AGAP1: variants seen among roughly 807,000 people sequenced by gnomAD.
The protein encoded by AGAP1 is ArfGAP with GTPase domain, ankyrin repeat and PH domain 1.
AGAP1 carries 29 observed loss-of-function variants against 105.3 expected under a neutral mutation model. That is an observed-to-expected ratio of 0.28 (90% CI 0.21 to 0.38). The LOEUF (loss-of-function observed/expected upper bound fraction) is 0.38. Ranked by LOEUF, AGAP1 falls within the 10% of genes least tolerant of loss-of-function variation. The pLI, the probability that AGAP1 is intolerant of heterozygous loss-of-function variation, is 1.00. For synonymous variants in AGAP1, 509 were observed against 485.9 expected (o/e 1.05, Z -0.63); for missense variants, 998 against 1,165.1 (o/e 0.86, Z 2.09).
intron 13 of AGAP1, among the ~76,000 whole-genome samples, chr2:235,997,493 TATTTTTGTAGCGCGGCCATAC>T (rs1488395553): frequency 3.9e-5 from 6 of 152,226 alleles, no homozygotes; most frequent in Admixed American, 1.3e-4. Flanking sequence ...TAGTGTTTGG[TATTTTTGTAGCGCGGCCATAC>T]ATTTTTGTGA....
chr2:236,095,083 T>G lies in AGAP1; in HGVS notation c.2115-25109T>G, dbSNP rs1266843294. On this transcript the variant is annotated intron_variant, in intron 16 of 17. Coordinates refer to ENST00000304032, the MANE Select transcript of AGAP1 (RefSeq NM_001037131.3). This position sits in a 1 kb window ranked among gnomAD's most constrained non-coding sequence, Gnocchi z 4.1. ...CATTGTACTTTAGCCTTGGTGAGAG[T>G]GAGACACTGTCTCAAAAAAGTTGTG... Among the ~76,000 whole-genome samples, 1 of 143,120 alleles carries G rather than the reference T, an allele frequency of 7.0e-6. No individual in the cohort carries two copies. The highest frequency in any genetic ancestry group is 1.5e-5 in the Non-Finnish European group (1 of 66,014). The allele number at this position is 143,120 out of a possible 152,430, so 93.9% of individuals were successfully genotyped here. A position where few individuals can be genotyped will look rare whatever the true frequency, so the allele number is the denominator to read the frequency against.
At chr2:236,048,970 G>T in intron 15 of AGAP1, 89 bp from the exon 16 acceptor site, 1 of 1,267,356 alleles carries the variant, frequency 7.9e-7, no homozygotes, top group South Asian at 1.4e-5. Context: ...TGTGAAGTTT[G>T]ACTGATTCGT....
chr2:235,598,549 G>T (rs1945620687), intron 1 of AGAP1, among the ~76,000 whole-genome samples: 1 of 152,230 alleles, frequency 6.6e-6, no homozygotes, highest in Admixed American at 6.5e-5. Context: ...GTGATGTGAA[G>T]TGAGGACTTA....
rs114177631 is a variant in AGAP1 at position 235,973,803 on chromosome 2, T to A, written c.1645+5180T>A. Among the ~76,000 whole-genome samples, 692 of 152,234 alleles carry A rather than the reference T, an allele frequency of 4.5e-3. 2 individuals are homozygous for A. The highest frequency in any genetic ancestry group is 7.7e-3 in the Non-Finnish European group (527 of 68,008). The stretch of plus-strand genomic sequence containing the variant: ...GACCCTGCATGGGGTCGGCATGGGT[T>A]GGACCAGGGCAGAGGAACCTGGGCT... On this transcript the variant is annotated intron_variant, in intron 13 of 17. Coordinates refer to ENST00000304032, the MANE Select transcript of AGAP1 (RefSeq NM_001037131.3). The surrounding 1 kb of genome is among the most constrained non-coding windows in gnomAD (Gnocchi z 4.7).
rs2053747817 is a variant in AGAP1, at chr2:235,951,729, C to T, written c.1484-16733C>T. Among the ~76,000 whole-genome samples the T allele has an allele frequency of 6.6e-6, 1 of 152,164 alleles. No homozygotes were observed. On this transcript the variant is annotated intron_variant, in intron 12 of 17. Coordinates refer to ENST00000304032, the MANE Select transcript of AGAP1 (RefSeq NM_001037131.3). The surrounding 1 kb of genome is among the most constrained non-coding windows in gnomAD (Gnocchi z 4.2). ...TCTGTTGGTACAAAATAAACATTTCCTCCTATCCTGGATGACTGGAGCCTT... is the reference window on the plus strand; with the variant it reads ...TCTGTTGGTACAAAATAAACATTTCTTCCTATCCTGGATGACTGGAGCCTT...
intron 11 of AGAP1, among the ~76,000 whole-genome samples, chr2:235,915,204 A>G (rs2317015): frequency 0.78 from 117,977 of 152,150 alleles, 45,857 homozygotes; most frequent in East Asian, 0.98. Context: ...GCTCTTATTC[A>G]TAGATAATGG....
chr2:235,523,028 C>T (rs1033204428), intron 1 of AGAP1, among the ~76,000 whole-genome samples: 4 of 152,056 alleles, frequency 2.6e-5, no homozygotes, highest in Admixed American at 1.3e-4. Flanking sequence ...GCAGTTCTGG[C>T]GGTTGGGAGT....
In AGAP1 at chr2:235,600,251, C is replaced by A. The variant is rs1465671187; in HGVS notation, c.163+105402C>A. Among the ~76,000 whole-genome samples the A allele has an allele frequency of 6.6e-6, 1 of 152,146 alleles. No individual in the cohort carries two copies. The highest frequency in any genetic ancestry group is 1.5e-5 in the Non-Finnish European group (1 of 68,028). On this transcript the variant is annotated intron_variant, in intron 1 of 17. Coordinates refer to ENST00000304032, the MANE Select transcript of AGAP1 (RefSeq NM_001037131.3). This position sits in a 1 kb window ranked among gnomAD's most constrained non-coding sequence, Gnocchi z 4.8. ...CGGATGATTTATGGCCTCTGTTTACCCCACAGACGATCAGTGTGCCTGCTT... is the reference window on the plus strand; with the variant it reads ...CGGATGATTTATGGCCTCTGTTTACACCACAGACGATCAGTGTGCCTGCTT...
chr2:235,618,933 C>A (rs1048772498), intron 1 of AGAP1, among the ~76,000 whole-genome samples: 2 of 152,016 alleles, frequency 1.3e-5, no homozygotes, highest in African/African-American at 4.8e-5. Context: ...TCACAGGGGT[C>A]TCTATAAAAG....
chr2:235,610,952 A>G lies in AGAP1; in HGVS notation c.164-98227A>G, dbSNP rs991896224. Among the ~76,000 whole-genome samples, 3 of 151,992 alleles carry G rather than the reference A, an allele frequency of 2.0e-5. No homozygotes were observed. The highest frequency in any genetic ancestry group is 7.3e-5 in the African/African-American group (3 of 41,336). The stretch of plus-strand genomic sequence containing the variant: ...CCCCTCTGAAGAGCGGCCCAGTAGG[A>G]TGGTTGACTGACGTTAGCTTGGCTT... On this transcript the variant is annotated intron_variant, in intron 1 of 17. Transcript: ENST00000304032. The surrounding 1 kb of genome is among the most constrained non-coding windows in gnomAD (Gnocchi z 4.9).
intron 9 of AGAP1, among the ~76,000 whole-genome samples, chr2:235,828,322 C>T (rs1394289554): frequency 6.6e-6 from 1 of 152,126 alleles, no homozygotes; most frequent in East Asian, 1.9e-4. Flanking sequence ...TCCCAGACCC[C>T]TAGAGTAGCT....
intron 1 of AGAP1, among the ~76,000 whole-genome samples, chr2:235,526,802 T>C (rs1339728809): frequency 3.3e-5 from 5 of 152,192 alleles, no homozygotes; most frequent in Non-Finnish European, 5.9e-5. Flanking sequence ...AGAATAGTTA[T>C]GATTTATGAT....
rs572713050 is a variant in AGAP1, at chr2:235,660,293, G to C, written c.164-48886G>C. Reference sequence around the variant, plus strand: ...GCGGGGTCACGGTGAGGGAGGCACTGTGTGGAAGGGTAAATGGGCTTCCTG... The same window carrying C: ...GCGGGGTCACGGTGAGGGAGGCACTCTGTGGAAGGGTAAATGGGCTTCCTG... On this transcript the variant is annotated intron_variant, in intron 1 of 17. Coordinates refer to ENST00000304032, the MANE Select transcript of AGAP1 (RefSeq NM_001037131.3). The surrounding 1 kb of genome is among the most constrained non-coding windows in gnomAD (Gnocchi z 5.3). Among the ~76,000 whole-genome samples the C allele has an allele frequency of 6.6e-6, 1 of 152,326 alleles. No homozygotes were observed. The highest frequency in any genetic ancestry group is 1.9e-4 in the East Asian group (1 of 5,178).
chr2:235,954,565 C>T (rs961494590), intron 12 of AGAP1, among the ~76,000 whole-genome samples: 4 of 149,394 alleles, frequency 2.7e-5, no homozygotes, highest in African/African-American at 5.0e-5. Flanking sequence ...TGAGGTCCTG[C>T]GTTTTAACTG....
intron 1 of AGAP1, among the ~76,000 whole-genome samples, chr2:235,537,947 T>C (rs889542857): frequency 2.0e-5 from 3 of 152,364 alleles, no homozygotes; most frequent in Middle Eastern, 3.4e-3. Context: ...TGACATCTTT[T>C]TCTGATATTT....
chr2:235,669,363 C>T (rs769466053), intron 1 of AGAP1, among the ~76,000 whole-genome samples: 5 of 152,134 alleles, frequency 3.3e-5, no homozygotes, highest in Non-Finnish European at 7.4e-5. Context: ...ACATGCCCCT[C>T]GTTTTGTTCT....
At chr2:235,911,176 A>C (rs191446808) in intron 11 of AGAP1, among the ~76,000 whole-genome samples, 4 of 152,220 alleles carry the variant, frequency 2.6e-5, no homozygotes, top group African/African-American at 9.6e-5. Context: ...TTATGTATAC[A>C]TTGTGGAATG....
At chr2:235,590,447 G>C (rs1460190225) in intron 1 of AGAP1, among the ~76,000 whole-genome samples, 1 of 152,042 alleles carries the variant, frequency 6.6e-6, no homozygotes, top group Non-Finnish European at 1.5e-5. Flanking sequence ...CGCGAGGCTG[G>C]ATGTTGAAGC....
chr2:236,107,137 C>G (rs2059518229), intron 16 of AGAP1, among the ~76,000 whole-genome samples: 1 of 139,690 alleles, frequency 7.2e-6, no homozygotes, highest in Admixed American at 7.2e-5. Flanking sequence ...AGCGGATTCT[C>G]CTGCGGAACC....
Sources: gnomAD v4.1 joint callset for allele counts (sites outside exome capture counted in the v4.1 genomes callset) on GRCh38, gnomAD v4.1.1 for gene constraint, Gnocchi (gnomAD v3.1) non-coding constraint, MANE v1.5 for transcripts, NCBI Gene and HGNC (gene_info 2026-07-23, HGNC 2026-07-21) for gene names.